Variants in IQSEC1 observed in about 807,000 individuals in gnomAD.
IQSEC1 encodes IQ motif and Sec7 domain ArfGEF 1.
In IQSEC1, 31 loss-of-function variants were observed where a neutral mutation model predicts 91.0. The ratio of observed to expected loss-of-function variants is 0.34; its 90% CI spans 0.26 to 0.46. The LOEUF (loss-of-function observed/expected upper bound fraction) is 0.46. IQSEC1 is among the 20% of genes least tolerant of loss of function. The pLI is 1.00. For missense variants in IQSEC1, 1,388 were observed against 1,575.6 expected, an observed-to-expected ratio of 0.88 and a Z score of 2.02; for synonymous variants, 699 against 662.6, an observed-to-expected ratio of 1.05 and a Z score of -0.84.
At chr3:12,921,205 G>T (rs771483011) in intron 5 of IQSEC1, among the ~76,000 whole-genome samples, 2 of 152,184 alleles carry the variant, frequency 1.3e-5, no homozygotes, top group Non-Finnish European at 2.9e-5. Flanking sequence ...ACAAGAGGCA[G>T]GGACAGAGTA....
At chr3:13,208,733 G>A (rs1412505148) in intron 1 of IQSEC1, among the ~76,000 whole-genome samples, 4 of 152,168 alleles carry the variant, frequency 2.6e-5, no homozygotes, top group East Asian at 1.9e-4. Flanking sequence ...CTGCTGATTC[G>A]AGAGGAGCCC....
chr3:13,046,910 C>G (rs1704517148), intron 1 of IQSEC1, among the ~76,000 whole-genome samples: 1 of 152,266 alleles, frequency 6.6e-6, no homozygotes, highest in South Asian at 2.1e-4. Context: ...CAAGGATCTG[C>G]TGGCTTCCAA....
At chr3:13,012,059 C>T (rs537208829) in intron 1 of IQSEC1, among the ~76,000 whole-genome samples, 6 of 152,296 alleles carry the variant, frequency 3.9e-5, no homozygotes, top group Non-Finnish European at 7.4e-5. Context: ...AATGAGGCAA[C>T]ATATGGAGGG....
intron 1 of IQSEC1, among the ~76,000 whole-genome samples, chr3:13,261,563 T>G (rs867223588): frequency 6.6e-6 from 1 of 152,116 alleles, no homozygotes; most frequent in Non-Finnish European, 1.5e-5. Context: ...TCCAGAATCA[T>G]GTCCTCTGCA....
chr3:12,988,652 A>C (rs1022351693), intron 1 of IQSEC1, among the ~76,000 whole-genome samples: 1 of 152,216 alleles, frequency 6.6e-6, no homozygotes, highest in Non-Finnish European at 1.5e-5. Context: ...GCACAAAGTC[A>C]GGATGACGAC....
intron 2 of IQSEC1, among the ~76,000 whole-genome samples, chr3:13,148,677 T>A (rs1047989920): frequency 6.6e-6 from 1 of 152,180 alleles, no homozygotes; most frequent in African/African-American, 2.4e-5. Flanking sequence ...GTCACCACAG[T>A]CCCCGGGGCT....
chr3:13,149,061 C>T (rs1706947705), intron 2 of IQSEC1, among the ~76,000 whole-genome samples: 1 of 152,240 alleles, frequency 6.6e-6, no homozygotes, highest in Non-Finnish European at 1.5e-5. Context: ...AGCCCCTCGC[C>T]TCCCCTTCTT....
intron 1 of IQSEC1, among the ~76,000 whole-genome samples, chr3:13,268,259 C>T (rs1695531274): frequency 6.6e-6 from 1 of 152,222 alleles, no homozygotes; most frequent in South Asian, 2.1e-4. Context: ...ATGTCTGGTC[C>T]TTGCCATTTA....
At chr3:13,239,372 A>C (rs1209327631) in intron 1 of IQSEC1, among the ~76,000 whole-genome samples, 2 of 152,206 alleles carry the variant, frequency 1.3e-5, no homozygotes, top group African/African-American at 2.4e-5. Context: ...GCGGGACAGG[A>C]ACCCATGGAT....
chr3:13,115,708 G>A (rs1194335153), intron 2 of IQSEC1, among the ~76,000 whole-genome samples: 2 of 152,254 alleles, frequency 1.3e-5, no homozygotes, highest in African/African-American at 4.8e-5. Context: ...CTGGGCGCCT[G>A]AAGTGGGCAC....
chr3:13,251,837 G>C (rs1695198288), intron 1 of IQSEC1, among the ~76,000 whole-genome samples: 1 of 152,216 alleles, frequency 6.6e-6, no homozygotes, highest in South Asian at 2.1e-4. Flanking sequence ...ACCCATGCCA[G>C]AATTAGAGGC....
chr3:13,185,475 C>T (rs1264116892), intron 1 of IQSEC1, among the ~76,000 whole-genome samples: 1 of 152,202 alleles, frequency 6.6e-6, no homozygotes, highest in East Asian at 1.9e-4. Flanking sequence ...GGTCCTGTGC[C>T]TGGGACTGCG....
rs1241979939 is a variant in IQSEC1, at chr3:12,970,416, T to C, written c.24-28551A>G. The stretch of plus-strand genomic sequence containing the variant: ...GTCCTGAGCTGCTTGCCTTGGCCCA[T>C]TTCACATGCTACAACCCGACTTTAT... On this transcript the variant is annotated intron_variant, in intron 1 of 13. Coordinates refer to ENST00000613206, the MANE Select transcript of IQSEC1 (RefSeq NM_001134382.3). This position sits in a 1 kb window ranked among gnomAD's most constrained non-coding sequence, Gnocchi z 4.4. Among the ~76,000 whole-genome samples, 3 of 152,298 alleles carry C rather than the reference T, an allele frequency of 2.0e-5. No individual in the cohort carries two copies. The highest frequency in any genetic ancestry group is 2.1e-4 in the South Asian group (1 of 4,832).
chr3:13,015,426 G>A (rs986366812), intron 1 of IQSEC1, among the ~76,000 whole-genome samples: 4 of 152,250 alleles, frequency 2.6e-5, no homozygotes, highest in Non-Finnish European at 5.9e-5. Flanking sequence ...GTGAGAAACG[G>A]GTCACAGAAT....
At chr3:13,225,517 A>C (rs1329429213) in intron 1 of IQSEC1, among the ~76,000 whole-genome samples, 5 of 152,246 alleles carry the variant, frequency 3.3e-5, no homozygotes, top group Non-Finnish European at 5.9e-5. Context: ...ACAAGCATAC[A>C]TTCACTTGGC....
At chr3:12,962,611 T>C (rs1211350431) in intron 1 of IQSEC1, among the ~76,000 whole-genome samples, 2 of 152,242 alleles carry the variant, frequency 1.3e-5, no homozygotes, top group Admixed American at 6.5e-5. Flanking sequence ...TTCCTCACCA[T>C]GCAGAAGCCT....
intron 1 of IQSEC1, among the ~76,000 whole-genome samples, chr3:13,258,108 C>CG (rs1695323301): frequency 6.6e-6 from 1 of 152,028 alleles, no homozygotes; most frequent in African/African-American, 2.4e-5. Context: ...GAGGATTTTG[C>CG]GGGGGGCGGG....
At chr3:12,982,244 T>G (rs1701500489) in intron 1 of IQSEC1, among the ~76,000 whole-genome samples, 1 of 152,204 alleles carries the variant, frequency 6.6e-6, no homozygotes, top group Non-Finnish European at 1.5e-5. Context: ...TATAGGCCAG[T>G]GGTTCTCAAG....
At chr3:12,944,206 C>G (rs1478195782) in intron 1 of IQSEC1, among the ~76,000 whole-genome samples, 1 of 152,224 alleles carries the variant, frequency 6.6e-6, no homozygotes, top group Non-Finnish European at 1.5e-5. Context: ...AGCCCCTCCC[C>G]TACAGCCCCC....
Sources: allele counts gnomAD v4.1 joint callset (sites outside exome capture counted in the v4.1 genomes callset), GRCh38; gene constraint gnomAD v4.1.1; non-coding constraint Gnocchi (gnomAD v3.1); transcripts MANE v1.5; gene names NCBI Gene and HGNC (gene_info 2026-07-23, HGNC 2026-07-21).